Variants in LDB3 observed in about 807,000 individuals in gnomAD.
The protein encoded by LDB3 is LIM domain-binding protein 3.
In LDB3, 49 loss-of-function variants were observed where a neutral mutation model predicts 69.0. The ratio of observed to expected loss-of-function variants is 0.71; its 90% CI spans 0.56 to 0.90. The LOEUF (loss-of-function observed/expected upper bound fraction) is 0.90. LDB3 is among the 40% of genes least tolerant of loss of function. The pLI, the probability that LDB3 is intolerant of heterozygous loss-of-function variation, is 0.00. For missense variants in LDB3, 928 were observed against 974.1 expected (o/e 0.95, Z 0.63); for synonymous variants, 387 against 396.2 (o/e 0.98, Z 0.28).
At position 86,726,129 on chromosome 10, in the gene LDB3, C is replaced by T; in HGVS notation, c.1979-8C>T. On this transcript the variant is annotated splice_region_variant and splice_polypyrimidine_tract_variant and intron_variant, in intron 12 of 13. Transcript: ENST00000361373. ...GGTGCGGGGTCTTCACTCTGCTTTTCATTTCAGACTACATCAATCTGTTCA... is the reference window on the plus strand; with the variant it reads ...GGTGCGGGGTCTTCACTCTGCTTTTTATTTCAGACTACATCAATCTGTTCA... The T allele has an allele frequency of 6.2e-7, 1 of 1,610,324 alleles. No individual in the cohort carries two copies. The highest frequency in any genetic ancestry group is 8.5e-7 in the Non-Finnish European group (1 of 1,177,014).
intron 6 of LDB3, 112 bp from the exon 7 acceptor site, chr10:86,692,423 G>T: frequency 9.2e-7 from 1 of 1,086,786 alleles, no homozygotes. Flanking sequence ...CAAGGGGGCA[G>T]TCACCGTGTG....
intron 5 of LDB3, among the ~76,000 whole-genome samples, chr10:86,688,900 C>T (rs1016241943): frequency 5.9e-5 from 9 of 152,266 alleles, no homozygotes; most frequent in Non-Finnish European, 1.2e-4. Context: ...GTTGATTAAT[C>T]GAGACTTCAC....
At chr10:86,705,222 T>G (rs1846398481) in intron 7 of LDB3, among the ~76,000 whole-genome samples, 1 of 152,186 alleles carries the variant, frequency 6.6e-6, no homozygotes. Flanking sequence ...TACTGATAAG[T>G]TGTAGGACCT....
chr10:86,699,514 C>T lies in LDB3; in HGVS notation c.896+6943C>T. On this transcript the variant is annotated intron_variant, in intron 7 of 13. Transcript: ENST00000361373. This position sits in a 1 kb window ranked among gnomAD's most constrained non-coding sequence, Gnocchi z 4.9. ...GGGCACCTCTGATGGCCAACCGCAG[C>T]ATTTCTGTCCTCTGCCCACCCCAGA... 6.6e-7 allele frequency: 1 copy of T among 1,519,278 alleles called. No homozygotes were observed. The highest frequency in any genetic ancestry group is 8.8e-7 in the Non-Finnish European group (1 of 1,136,532). The allele number at this position is 1,519,278 out of a possible 1,614,324, so 94.1% of individuals were successfully genotyped here. A position where few individuals can be genotyped will look rare whatever the true frequency, so the allele number is the denominator to read the frequency against.
At chr10:86,691,067 A>C (rs1460288687) in intron 5 of LDB3, among the ~76,000 whole-genome samples, 2 of 152,122 alleles carry the variant, frequency 1.3e-5, no homozygotes, top group Non-Finnish European at 2.9e-5. Context: ...AAGGCTTTTG[A>C]CCATGGCCTG....
At chr10:86,688,184 C>A (rs2675690) in intron 5 of LDB3, among the ~76,000 whole-genome samples, 10 of 152,130 alleles carry the variant, frequency 6.6e-5, no homozygotes, top group Non-Finnish European at 1.2e-4. Flanking sequence ...TTATCAGTCT[C>A]GGCAACATCT....
intron 5 of LDB3, among the ~76,000 whole-genome samples, chr10:86,688,083 GTA>G (rs1554853051): frequency 7.3e-6 from 1 of 136,326 alleles, no homozygotes; most frequent in East Asian, 2.6e-4. Flanking sequence ...GTGTGTGTGT[GTA>G]TGTGTCTGTC....
chr10:86,706,599 A>G lies in LDB3; in HGVS notation c.965A>G (p.Gln322Arg). ...ATTPLLPASAQPPAAASPSAA... is the reference protein window; with the variant it reads ...ATTPLLPASARPPAAASPSAA... ...ACCCCGCTGCTGCCCGCTTCTGCCC[A>G]GCCACCTGCTGCTGCCTCTCCCAGT... Residue 322 changes from glutamine to arginine, a missense_variant, in exon 8 of 14, where the codon CAG becomes CGG. Coordinates refer to ENST00000361373, the MANE Select transcript of LDB3 (RefSeq NM_007078.3). 6.2e-7 allele frequency: 1 copy of G among 1,613,186 alleles called. No individual in the cohort carries two copies. The highest frequency in any genetic ancestry group is 8.5e-7 in the Non-Finnish European group (1 of 1,179,954).
chr10:86,697,215 C>CTTTTTTTTTTTT (rs34215720), intron 7 of LDB3, among the ~76,000 whole-genome samples: 1 of 77,804 alleles, frequency 1.3e-5, no homozygotes, highest in Non-Finnish European at 2.3e-5. Flanking sequence ...TAGCAATTCA[C>CTTTTTTTTTTTT]TTTTTTTTTT....
At chr10:86,703,058 T>G (rs1453324521) in intron 7 of LDB3, among the ~76,000 whole-genome samples, 1 of 152,190 alleles carries the variant, frequency 6.6e-6, no homozygotes, top group Non-Finnish European at 1.5e-5. Context: ...GAGCAGCAGG[T>G]AAGCTGGCCT....
In LDB3 at chr10:86,728,771, G is replaced by T. The variant is rs537745524; in HGVS notation, c.2094+2519G>T. Reference sequence around the variant, plus strand: ...TAATTTTTGTATTTTTAGTAGAGACGGGGTTTCACCATCTTGGCCAGGCTG... The same window carrying T: ...TAATTTTTGTATTTTTAGTAGAGACTGGGTTTCACCATCTTGGCCAGGCTG... On this transcript the variant is annotated intron_variant, in intron 13 of 13. Transcript: ENST00000361373. Among the ~76,000 whole-genome samples, 20 of 151,766 alleles carry T rather than the reference G, an allele frequency of 1.3e-4. No homozygotes were observed. The South Asian group carries it at 4.2e-3, about 32-fold the overall frequency.
intron 2 of LDB3, among the ~76,000 whole-genome samples, chr10:86,669,904 C>CT (rs1427690013): frequency 6.6e-6 from 1 of 152,188 alleles, no homozygotes; most frequent in African/African-American, 2.4e-5. Context: ...TGCCTTGGGC[C>CT]TGGGGGCTGG....
chr10:86,704,707 T>G (rs1846381974), intron 7 of LDB3, among the ~76,000 whole-genome samples: 1 of 151,864 alleles, frequency 6.6e-6, no homozygotes, highest in Non-Finnish European at 1.5e-5. Flanking sequence ...AGCCCCCAAG[T>G]AGCTGGGACT....
chr10:86,721,500 C>T (rs1847085136), intron 12 of LDB3, among the ~76,000 whole-genome samples: 1 of 152,180 alleles, frequency 6.6e-6, no homozygotes, highest in African/African-American at 2.4e-5. Flanking sequence ...AGTTCCCAAA[C>T]CTGGCATCAT....
Position 86,699,687 on chromosome 10 carries a change from G to C in LDB3, c.897-6844G>C, listed in dbSNP as rs1435079914. ...AGACCAGAGAGGGCAGGAGGGGTTTGCTGGCATAACACCCCAGAACCAAGG... is the reference window on the plus strand; with the variant it reads ...AGACCAGAGAGGGCAGGAGGGGTTTCCTGGCATAACACCCCAGAACCAAGG... On this transcript the variant is annotated intron_variant, in intron 7 of 13. Transcript: ENST00000361373. The surrounding 1 kb of genome is among the most constrained non-coding windows in gnomAD (Gnocchi z 4.9). 4 of 1,222,674 alleles carry C rather than the reference G, an allele frequency of 3.3e-6. No individual in the cohort carries two copies. In the African/African-American group the frequency reaches 6.2e-5, roughly 19 times the overall value. 75.7% of individuals were successfully genotyped at this position (1,222,674 alleles called of 1,614,324 possible).
In LDB3 at chr10:86,734,212, T is replaced by A. The variant is rs575646292; in HGVS notation, c.*1236T>A. ...TATATGCATTTGCTGTTTTGGCCAA[T>A]ATTTTGAAAATGTATGAGCTGAGTT... On this transcript the variant is annotated 3_prime_UTR_variant, in exon 14 of 14. Coordinates refer to ENST00000361373, the MANE Select transcript of LDB3 (RefSeq NM_007078.3). 5.9e-5 allele frequency: 9 copies of A among 152,356 alleles called. No homozygotes were observed. In the East Asian group the frequency reaches 1.5e-3, roughly 26 times the overall value. 9.4% of individuals were successfully genotyped at this position (152,356 alleles called of 1,614,324 possible). A position where few individuals can be genotyped will look rare whatever the true frequency, so the allele number is the denominator to read the frequency against.
At chr10:86,714,553 C>CTT (rs11306108) in intron 9 of LDB3, among the ~76,000 whole-genome samples, 26 of 124,162 alleles carry the variant, frequency 2.1e-4, no homozygotes, top group African/African-American at 3.3e-4. Context: ...AAGGTATTAT[C>CTT]TTTTTTTTTT....
Position 86,687,156 on chromosome 10 carries a change from C to A in LDB3, c.690-4740C>A. 6.2e-7 allele frequency: 1 copy of A among 1,614,210 alleles called. No homozygotes were observed. The highest frequency in any genetic ancestry group is 8.5e-7 in the Non-Finnish European group (1 of 1,180,038). ...AGCCCATCGAGGTGAAGGGGCTGGG[C>A]GGCAAGGCCACCATCATCCATGCGC... is the stretch of plus-strand genomic sequence containing the variant. On this transcript the variant is annotated intron_variant, in intron 5 of 13. Coordinates refer to ENST00000361373, the MANE Select transcript of LDB3 (RefSeq NM_007078.3).
In LDB3 at chr10:86,710,014, A is replaced by T; in HGVS notation, c.1195A>T (p.Thr399Ser). 1.2e-6 allele frequency: 2 copies of T among 1,613,136 alleles called. No individual in the cohort carries two copies. The highest frequency in any genetic ancestry group is 2.2e-5 in the South Asian group (2 of 91,078). Residue 399 changes from threonine to serine, a missense_variant, in exon 9 of 14, where the codon ACC becomes TCC. Thr to Ser is a moderately conservative substitution (Grantham distance 58). Transcript: ENST00000361373. ...AAPAPKPRVV[T>S]TASIRPSVYQ... ...CCCTGCACCCAAGCCCCGGGTTGTC[A>T]CCACTGCCAGCATCCGGCCTTCTGT...
Sources: allele counts gnomAD v4.1 joint callset (sites outside exome capture counted in the v4.1 genomes callset), GRCh38; gene constraint gnomAD v4.1.1; non-coding constraint Gnocchi (gnomAD v3.1); transcripts MANE v1.5; gene names NCBI Gene and HGNC (gene_info 2026-07-23, HGNC 2026-07-21).